The following COL17A1 variants were observed in gnomAD, a reference collection of about 807,000 sequenced individuals.
The protein encoded by COL17A1 is collagen alpha-1(XVII) chain.
A neutral mutation model predicts 218.4 loss-of-function variants in COL17A1; 181 were observed. The observed-to-expected ratio is 0.83, with a 90% confidence interval of 0.73 to 0.94. The LOEUF (loss-of-function observed/expected upper bound fraction) is 0.94, where lower values mean the gene tolerates loss of function less well. Among genes scored for constraint, COL17A1 ranks in the 40% least tolerant of loss-of-function variants. The pLI is 0.00. For missense variants in COL17A1, 1,924 were observed against 1,945.9 expected (o/e 0.99, Z 0.21); for synonymous variants, 721 against 731.0 (o/e 0.99, Z 0.22).
chr10:104,059,155 A>G (rs775422992), intron 15 of COL17A1, among the ~76,000 whole-genome samples: 1 of 152,172 alleles, frequency 6.6e-6, no homozygotes, highest in Non-Finnish European at 1.5e-5. Flanking sequence ...TTTGATTGGC[A>G]TTCATTTGAA....
intron 9 of COL17A1, among the ~76,000 whole-genome samples, chr10:104,068,819 G>T (rs2086647344): frequency 6.6e-6 from 1 of 152,198 alleles, no homozygotes; most frequent in Non-Finnish European, 1.5e-5. Context: ...TAATCCCACA[G>T]ATCCCTAAGG....
At chr10:104,070,618 G>C in intron 8 of COL17A1, 49 bp from the exon 9 acceptor site, 1 of 1,613,768 alleles carries the variant, frequency 6.2e-7, no homozygotes, top group Non-Finnish European at 8.5e-7. Flanking sequence ...GTTCTTTCCT[G>C]AGTCCCTGTG....
Position 104,051,480 on chromosome 10 carries a change from C to T in COL17A1, c.2038+1G>A, listed in dbSNP as rs764888212. 1.2e-6 allele frequency: 2 copies of T among 1,614,072 alleles called. No individual in the cohort carries two copies. Among genetic ancestry groups the T allele is most frequent in the South Asian group, 2.2e-5 (2 of 91,070 alleles). On this transcript the variant is annotated splice_donor_variant, in intron 25 of 55. Coordinates refer to ENST00000648076, the MANE Select transcript of COL17A1 (RefSeq NM_000494.4). LOFTEE classifies it high-confidence loss of function. Reference sequence around the variant, plus strand: ...CTATTTACAAGAAGCAGCAAACTGACCTGGAGGGCCCTGTGGGCCAGGAGA... The same window carrying T: ...CTATTTACAAGAAGCAGCAAACTGATCTGGAGGGCCCTGTGGGCCAGGAGA...
At position 104,032,275 on chromosome 10, in the gene COL17A1, G is replaced by C; in HGVS notation, c.4454C>G (p.Ala1485Gly). 6.2e-7 allele frequency: 1 copy of C among 1,613,902 alleles called. No individual in the cohort carries two copies. The highest frequency in any genetic ancestry group is 1.6e-4 in the Middle Eastern group (1 of 6,062). Residue 1485 changes from alanine (A) to glycine (G), a missense_variant, in exon 56 of 56, where the codon GCT becomes GGT. Physicochemically the swap from Ala to Gly is moderately conservative, Grantham distance 60. Coordinates refer to ENST00000648076, the MANE Select transcript of COL17A1 (RefSeq NM_000494.4). ...EKGDKGDQVY[A>G]GRRRRRSIAV... ...AATACTTCTTCTCCTTCTCCGCCCAGCATAGACTTGGTCACCTGAAAGTTA... is the reference window on the plus strand; with the variant it reads ...AATACTTCTTCTCCTTCTCCGCCCACCATAGACTTGGTCACCTGAAAGTTA...
At chr10:104,052,029 C>T (rs1186117570) in intron 24 of COL17A1, 126 bp downstream of exon 24, 6 of 1,298,458 alleles carry the variant, frequency 4.6e-6, no homozygotes, top group Non-Finnish European at 5.6e-6. Context: ...CCACCCACCA[C>T]CCCTGCACAG....
chr10:104,037,879 A>G lies in COL17A1; in HGVS notation c.3071-106T>C, dbSNP rs2086316802. ...ATAACATGCCTGCCCCGCCCCACAC[A>G]TGGGCCCAAGGCTGGGCCAGGAGGG... On this transcript the variant is annotated intron_variant, in intron 45 of 55. Transcript: ENST00000648076. The G allele has an allele frequency of 2.8e-6, 4 of 1,415,346 alleles. No homozygotes were observed. The Admixed American group carries it at 7.8e-5, about 28-fold the overall frequency. 87.7% of individuals were successfully genotyped at this position (1,415,346 alleles called of 1,614,324 possible).
chr10:104,063,467 T>C, intron 11 of COL17A1: 1 of 468,502 alleles, frequency 2.1e-6, no homozygotes, highest in Admixed American at 3.3e-5. Flanking sequence ...TACACGATGA[T>C]TCCGTTAGAC....
chr10:104,039,361 TTGC>T (rs1379848334), intron 43 of COL17A1, 81 bp downstream of exon 43: 1 of 1,427,704 alleles, frequency 7.0e-7, no homozygotes, highest in Non-Finnish European at 9.9e-7. Context: ...TGATGAGTAC[TTGC>T]TGCCATCTCT....
At chr10:104,065,064 C>T (rs556480505) in intron 9 of COL17A1, among the ~76,000 whole-genome samples, 2 of 152,302 alleles carry the variant, frequency 1.3e-5, no homozygotes, top group Admixed American at 1.3e-4. Flanking sequence ...GCAGGGGAGT[C>T]CTTGGTCTGG....
At chr10:104,070,374 A>G in intron 9 of COL17A1, 52 bp downstream of exon 9, 2 of 1,610,870 alleles carry the variant, frequency 1.2e-6, no homozygotes, top group South Asian at 1.1e-5. Context: ...TTGGGTTTGG[A>G]TGGGTAAGTT....
At position 104,077,508 on chromosome 10, in the gene COL17A1, C is replaced by A. The variant is rs1188736719; in HGVS notation, c.116G>T (p.Gly39Val). ...SLPPKGGTSNGYAKTASLGGG... is the reference protein window; with the variant it reads ...SLPPKGGTSNVYAKTASLGGG... ...ACCAAGAGAGGCTGTTTTAGCATAG[C>A]CATTGCTGGTCCCGCCTTCTGCCAG... The change falls in exon 4 of 56, where the codon GGC becomes GTC. Residue 39 changes from glycine to valine, a missense_variant. Physicochemically the swap from Gly to Val is moderately radical, Grantham distance 109. Transcript: ENST00000648076. 1.2e-6 allele frequency: 2 copies of A among 1,612,636 alleles called. No homozygotes were observed. The highest frequency in any genetic ancestry group is 1.7e-6 in the Non-Finnish European group (2 of 1,179,596).
chr10:104,034,127 C>T lies in COL17A1; in HGVS notation c.3974G>A (p.Gly1325Asp). 6.2e-7 allele frequency: 1 copy of T among 1,614,070 alleles called. No individual in the cohort carries two copies. Among genetic ancestry groups the T allele is most frequent in the Non-Finnish European group, 8.5e-7 (1 of 1,180,020 alleles). The change falls in exon 52 of 56, where the codon GGT becomes GAT. Residue 1325 changes from glycine to aspartate, a missense_variant. Physicochemically the swap from Gly to Asp is moderately conservative, Grantham distance 94 (BLOSUM62 -1). Transcript: ENST00000648076. Reference sequence around the variant, plus strand: ...GTCTCCTGCAGCTTCACCAAAGGCACCGCCTGCACCCAGGGAGCCTGCACC... The same window carrying T: ...GTCTCCTGCAGCTTCACCAAAGGCATCGCCTGCACCCAGGGAGCCTGCACC... ...GGGAGSLGAGGAFGEAAGDRG... is the reference protein window; with the variant it reads ...GGGAGSLGAGDAFGEAAGDRG...
intron 3 of COL17A1, among the ~76,000 whole-genome samples, chr10:104,078,022 C>T (rs1589578843): frequency 6.6e-6 from 1 of 152,164 alleles, no homozygotes; most frequent in Non-Finnish European, 1.5e-5. Context: ...TGGGTGGGCT[C>T]TCCCCATCCC....
At chr10:104,048,155 G>A (rs774286889) in intron 29 of COL17A1, 51 bp from the exon 30 acceptor site, 20 of 1,595,364 alleles carry the variant, frequency 1.3e-5, no homozygotes, top group East Asian at 2.2e-5. Flanking sequence ...TGATTTCTGC[G>A]ATTCCTCCCT....
Position 104,034,236 on chromosome 10 carries a change from T to C in COL17A1, c.3865A>G (p.Ser1289Gly), listed in dbSNP as rs749528648. 8 of 1,611,500 alleles carry C rather than the reference T, an allele frequency of 5.0e-6. No individual in the cohort carries two copies. The highest frequency in any genetic ancestry group is 1.7e-5 in the Admixed American group (1 of 59,888). Residue 1289 changes from serine (S) to glycine (G), a missense_variant, in exon 52 of 56, where the codon AGT becomes GGT. Coordinates refer to ENST00000648076, the MANE Select transcript of COL17A1 (RefSeq NM_000494.4). Reference sequence around the variant, plus strand: ...TGTGAGGAGGAGCTGCTACCCCGACTGTGGGAGGCATCCGTGGACAGGAGG... The same window carrying C: ...TGTGAGGAGGAGCTGCTACCCCGACCGTGGGAGGCATCCGTGGACAGGAGG... ...SRLLSTDASH[S>G]RGSSSSSHSS...
intron 9 of COL17A1, 119 bp downstream of exon 9, chr10:104,070,307 G>T (rs577371672): frequency 6.5e-7 from 1 of 1,547,158 alleles, no homozygotes; most frequent in South Asian, 1.2e-5. Flanking sequence ...ATGAGATTTG[G>T]TGGGCCCCAA....
chr10:104,051,519 GAGA>G lies in COL17A1; in HGVS notation c.2003-6_2003-4del. On this transcript the variant is annotated splice_region_variant and splice_polypyrimidine_tract_variant and intron_variant, in intron 24 of 55. Transcript: ENST00000648076. ...TGGGCCAGGAGAGCCGCTGGAACCT[GAGA>G]AGGAGGACAAGACAGCAATCAGCAG... 6.2e-7 allele frequency: 1 copy of G among 1,614,050 alleles called. No homozygotes were observed. The highest frequency in any genetic ancestry group is 1.3e-5 in the African/African-American group (1 of 75,074).
At chr10:104,063,699 T>C in intron 11 of COL17A1, 48 bp downstream of exon 11, 1 of 1,613,054 alleles carries the variant, frequency 6.2e-7, no homozygotes, top group South Asian at 1.1e-5. Context: ...ATCCTAACAC[T>C]TCTATGCAAA....
rs756857900 is a variant in COL17A1 at position 104,076,275 on chromosome 10, T to C, written c.331+26A>G. Reference sequence around the variant, plus strand: ...AGTTGCTTGGGGAAGAGAATGGTTCTCTTGTATGGTTAGTGGGACTGATAC... The same window carrying C: ...AGTTGCTTGGGGAAGAGAATGGTTCCCTTGTATGGTTAGTGGGACTGATAC... On this transcript the variant is annotated intron_variant, in intron 5 of 55. Transcript: ENST00000648076. 1.9e-6 allele frequency: 3 copies of C among 1,613,710 alleles called. No individual in the cohort carries two copies. The Admixed American group carries it at 5.0e-5, about 27-fold the overall frequency.
Sources: gnomAD v4.1 joint callset for allele counts (sites outside exome capture counted in the v4.1 genomes callset) on GRCh38, gnomAD v4.1.1 for gene constraint, MANE v1.5 for transcripts, NCBI Gene and HGNC (gene_info 2026-07-23, HGNC 2026-07-21) for gene names.